Variants in ATP8B4 observed in about 807,000 individuals in gnomAD.
The protein encoded by ATP8B4 is ATPase phospholipid transporting 8B4 (putative).
ATP8B4 carries 133 observed loss-of-function variants against 145.6 expected under a neutral mutation model. That is an observed-to-expected ratio of 0.91 (90% CI 0.79 to 1.05). The LOEUF (loss-of-function observed/expected upper bound fraction) is 1.05, where lower values mean the gene tolerates loss of function less well. Among genes scored for constraint, ATP8B4 ranks in the 50% least tolerant of loss-of-function variants. ATP8B4 has a pLI of 0.00. For missense variants in ATP8B4, 1,458 were observed against 1,425.2 expected (o/e 1.02, Z -0.37); for synonymous variants, 507 against 492.9 (o/e 1.03, Z -0.38).
At chr15:49,982,168 G>A (rs968751585) in intron 10 of ATP8B4, among the ~76,000 whole-genome samples, 1 of 152,076 alleles carries the variant, frequency 6.6e-6, no homozygotes, top group African/African-American at 2.4e-5. Flanking sequence ...AAGGAGAAAA[G>A]GGAGGCACAC....
intron 14 of ATP8B4, among the ~76,000 whole-genome samples, chr15:49,949,566 G>A (rs1469236570): frequency 6.6e-6 from 1 of 152,112 alleles, no homozygotes; most frequent in Non-Finnish European, 1.5e-5. Flanking sequence ...AGAAGTTTTT[G>A]TGCTGAGACG....
intron 20 of ATP8B4, among the ~76,000 whole-genome samples, chr15:49,908,763 ACCACCACTG>A (rs1022264026): frequency 6.6e-6 from 1 of 152,014 alleles, no homozygotes; most frequent in Non-Finnish European, 1.5e-5. Context: ...ACCTGCAGCC[ACCACCACTG>A]CCACCACTGC....
chr15:50,098,197 G>GA lies in ATP8B4; in HGVS notation c.28+8741dup, dbSNP rs1041043467. ...TGAAATAGTATGTGTAAGCTGCCAA[G>GA]AAAAAATTAAAGATTTTGGTTGTGT... On this transcript the variant is annotated intron_variant, in intron 2 of 27. Transcript: ENST00000284509. Among the ~76,000 whole-genome samples the GA allele has an allele frequency of 3.0e-5, 4 of 133,544 alleles. No homozygotes were observed. In the East Asian group the frequency reaches 9.6e-4, roughly 32 times the overall value. 87.6% of individuals were successfully genotyped at this position (133,544 alleles called of 152,430 possible). A position where few individuals can be genotyped will look rare whatever the true frequency, so the allele number is the denominator to read the frequency against.
At chr15:49,918,760 C>T in intron 19 of ATP8B4, 79 bp downstream of exon 19, 5 of 1,028,258 alleles carry the variant, frequency 4.9e-6, no homozygotes, top group South Asian at 1.5e-5. Flanking sequence ...ATTAATTAAC[C>T]TTTCTGGTTA....
At chr15:50,167,385 T>G (rs2044610936) in intron 1 of ATP8B4, among the ~76,000 whole-genome samples, 1 of 152,178 alleles carries the variant, frequency 6.6e-6, no homozygotes, top group African/African-American at 2.4e-5. Context: ...TTTTAGTGCC[T>G]GCTAGCAACT....
At chr15:49,865,284 G>A (rs1200252399) in intron 26 of ATP8B4, among the ~76,000 whole-genome samples, 3 of 152,228 alleles carry the variant, frequency 2.0e-5, no homozygotes, top group Admixed American at 2.0e-4. Flanking sequence ...AGGGCAGCAT[G>A]CCTGGAAAGG....
intron 1 of ATP8B4, among the ~76,000 whole-genome samples, chr15:50,129,522 A>G (rs2057330531): frequency 6.6e-6 from 1 of 152,056 alleles, no homozygotes; most frequent in South Asian, 2.1e-4. Context: ...TCATGTCTTT[A>G]TATGGCCCTC....
chr15:50,074,446 T>C (rs902457673), intron 2 of ATP8B4, among the ~76,000 whole-genome samples: 1 of 152,204 alleles, frequency 6.6e-6, no homozygotes, highest in Non-Finnish European at 1.5e-5. Context: ...TTTCTATGTA[T>C]CTTCAGCACC....
intron 1 of ATP8B4, among the ~76,000 whole-genome samples, chr15:50,132,287 A>G (rs1390689765): frequency 6.6e-6 from 1 of 152,196 alleles, no homozygotes; most frequent in Non-Finnish European, 1.5e-5. Context: ...TGGATCCATA[A>G]AAAAGTGGGT....
chr15:50,025,897 G>T (rs1021832824), intron 6 of ATP8B4, among the ~76,000 whole-genome samples: 5 of 152,172 alleles, frequency 3.3e-5, no homozygotes, highest in African/African-American at 1.2e-4. Flanking sequence ...TATGTGTCAT[G>T]ATATAATAGA....
intron 16 of ATP8B4, among the ~76,000 whole-genome samples, chr15:49,928,659 A>G (rs1399827218): frequency 6.6e-6 from 1 of 152,092 alleles, no homozygotes; most frequent in African/African-American, 2.4e-5. Flanking sequence ...ACAATAATAC[A>G]AGCAAGCAGT....
At chr15:50,026,651 T>C (rs2050026616) in intron 6 of ATP8B4, among the ~76,000 whole-genome samples, 2 of 152,226 alleles carry the variant, frequency 1.3e-5, no homozygotes, top group South Asian at 4.1e-4. Flanking sequence ...CCAATATCTT[T>C]GTTTCATAGA....
intron 23 of ATP8B4, chr15:49,895,329 G>C (rs867455409): frequency 3.3e-5 from 5 of 152,252 alleles, no homozygotes; most frequent in South Asian, 2.1e-4. Flanking sequence ...CTAGGGGCTA[G>C]AGCCCAGTGG....
intron 1 of ATP8B4, among the ~76,000 whole-genome samples, chr15:50,146,785 G>C (rs1261744471): frequency 6.6e-6 from 1 of 152,154 alleles, no homozygotes; most frequent in Non-Finnish European, 1.5e-5. Flanking sequence ...TCCTCCTAAG[G>C]CCAGAGTCCC....
intron 5 of ATP8B4, 57 bp downstream of exon 5, chr15:50,044,537 T>A: frequency 1.6e-6 from 2 of 1,231,514 alleles, no homozygotes; most frequent in Non-Finnish European, 2.3e-6. Flanking sequence ...ATTATCTATT[T>A]CTGAGAAGCC....
At chr15:49,975,579 TG>T (rs1283645109) in intron 12 of ATP8B4, among the ~76,000 whole-genome samples, 2 of 152,150 alleles carry the variant, frequency 1.3e-5, no homozygotes, top group Non-Finnish European at 2.9e-5. Context: ...CATCTATGTT[TG>T]GTAGAGTCCA....
intron 1 of ATP8B4, among the ~76,000 whole-genome samples, chr15:50,179,221 A>T (rs1378534340): frequency 2.6e-5 from 4 of 152,200 alleles, no homozygotes. Flanking sequence ...AATATTTGTC[A>T]ATTGAGTGTA....
chr15:50,056,468 G>A (rs150996834), intron 3 of ATP8B4, among the ~76,000 whole-genome samples: 2 of 152,196 alleles, frequency 1.3e-5, no homozygotes, highest in African/African-American at 4.8e-5. Context: ...TGCCTGCCAA[G>A]ACTCCCTCAG....
At chr15:50,012,578 A>G (rs1024170831) in intron 6 of ATP8B4, among the ~76,000 whole-genome samples, 3 of 152,184 alleles carry the variant, frequency 2.0e-5, no homozygotes, top group Non-Finnish European at 2.9e-5. Flanking sequence ...GTTTGTGGAC[A>G]GAACCCTAAC....
Sources: gnomAD v4.1 joint callset for allele counts (sites outside exome capture counted in the v4.1 genomes callset) on GRCh38, gnomAD v4.1.1 for gene constraint, MANE v1.5 for transcripts, NCBI Gene and HGNC (gene_info 2026-07-23, HGNC 2026-07-21) for gene names.